The following SSUH2 variants were observed in gnomAD, a reference collection of about 807,000 sequenced individuals.
SSUH2 encodes ssu-2 homolog, also known as protein SSUH2 homolog.
Under a neutral mutation model 55.3 loss-of-function variants are expected in SSUH2, and 47 were observed. That is an observed-to-expected ratio of 0.85 (90% CI 0.67 to 1.08). The LOEUF (loss-of-function observed/expected upper bound fraction) is 1.08, where lower values mean the gene tolerates loss of function less well. SSUH2 is among the 50% of genes least tolerant of loss of function. The probability of loss-of-function intolerance (pLI) is 0.00; values close to 1 mark genes in which losing one functional copy is unlikely to be tolerated. For synonymous variants in SSUH2, 212 were observed against 191.5 expected (o/e 1.11, Z -0.89); for missense variants, 535 against 490.7 (o/e 1.09, Z -0.85).
chr3:8,671,538 A>G (rs1704562267), intron 4 of SSUH2, among the ~76,000 whole-genome samples: 1 of 152,120 alleles, frequency 6.6e-6, no homozygotes, highest in Non-Finnish European at 1.5e-5. Flanking sequence ...CCTTAGGAGA[A>G]TAAGACCACA....
chr3:8,642,782 A>G (rs1701071314), intron 1 of SSUH2, among the ~76,000 whole-genome samples: 1 of 152,238 alleles, frequency 6.6e-6, no homozygotes, highest in South Asian at 2.1e-4. Context: ...CCTCTCCCCT[A>G]AACAGGCACA....
intron 11 of SSUH2, 127 bp from the exon 12 acceptor site, chr3:8,620,141 T>C (rs959594759): frequency 1.6e-5 from 17 of 1,041,772 alleles, no homozygotes; most frequent in African/African-American, 3.2e-5. Context: ...GCATTCAATA[T>C]GGTTTGGCTC....
intron 7 of SSUH2, among the ~76,000 whole-genome samples, chr3:8,653,358 A>G (rs1702617866): frequency 6.6e-6 from 1 of 152,238 alleles, no homozygotes; most frequent in South Asian, 2.1e-4. Context: ...ACTAAAAACT[A>G]ATGGTCACCC....
chr3:8,670,768 C>T (rs996539576), intron 5 of SSUH2, among the ~76,000 whole-genome samples: 8 of 151,852 alleles, frequency 5.3e-5, no homozygotes, highest in African/African-American at 1.5e-4. Flanking sequence ...AGTAACATCC[C>T]GCCAGGATAT....
intron 7 of SSUH2, among the ~76,000 whole-genome samples, chr3:8,654,677 C>T (rs545208034): frequency 7.3e-4 from 111 of 152,308 alleles, no homozygotes; most frequent in African/African-American, 2.6e-3. Flanking sequence ...GTGTCCTCCC[C>T]AAGGTCTCAG....
Position 8,635,384 on chromosome 3 carries a change from G to A in SSUH2, c.128-3C>T, listed in dbSNP as rs551770127. The A allele has an allele frequency of 3.3e-5, 51 of 1,535,212 alleles. 1 individual carries two copies. The East Asian group carries it at 1.2e-3, about 37-fold the overall frequency. On this transcript the variant is annotated splice_region_variant and splice_polypyrimidine_tract_variant and intron_variant, in intron 2 of 11. Coordinates refer to ENST00000544814, the MANE Select transcript of SSUH2 (RefSeq NM_001256748.3). ...AGGTGGGAAGAATATCTGTCCTCCT[G>A]GAGAAGGGAAGAGTCAGGGGCTGGA...
Position 8,626,255 on chromosome 3 carries a change from C to A in SSUH2, c.741G>T (p.Leu247Phe). The A allele has an allele frequency of 1.2e-6, 2 of 1,614,138 alleles. No individual in the cohort carries two copies. The highest frequency in any genetic ancestry group is 1.7e-6 in the Non-Finnish European group (2 of 1,179,976). ...ACATGATGACAAGCTGGATGAAGTG[C>A]AACAGCTTCTTCTCCCCCTTGCAGG... ...CATCKGEKKL[L>F]HFIQLVIMWK... The change falls in exon 9 of 12, where the codon TTG becomes TTT. Residue 247 changes from leucine to phenylalanine, a missense_variant. By Grantham distance (22) the Leu-to-Phe change is conservative. Coordinates refer to ENST00000544814, the MANE Select transcript of SSUH2 (RefSeq NM_001256748.3).
At chr3:8,668,444 G>A (rs1382128945) in intron 5 of SSUH2, among the ~76,000 whole-genome samples, 2 of 152,174 alleles carry the variant, frequency 1.3e-5, no homozygotes, top group African/African-American at 4.8e-5. Flanking sequence ...AATGTTTACT[G>A]CAAATCTAAC....
intron 6 of SSUH2, among the ~76,000 whole-genome samples, chr3:8,660,248 G>C: frequency 6.6e-6 from 1 of 152,146 alleles, no homozygotes; most frequent in Admixed American, 6.5e-5. Flanking sequence ...GAGAGCGCTG[G>C]TTAGAGACCC....
At chr3:8,661,161 G>T (rs1023076376) in intron 6 of SSUH2, among the ~76,000 whole-genome samples, 1 of 152,156 alleles carries the variant, frequency 6.6e-6, no homozygotes, top group Admixed American at 6.5e-5. Context: ...TTTTACAATT[G>T]TAAGTAACCA....
In SSUH2 at chr3:8,679,129, G is replaced by A. The variant is rs1365237595; in HGVS notation, c.-901+576C>T. 3.8e-5 allele frequency among the ~76,000 whole-genome samples: 4 copies of A among 106,136 alleles called. 1 individual carries two copies. The highest frequency in any genetic ancestry group is 1.3e-4 in the African/African-American group (4 of 30,936). The allele number at this position is 106,136 out of a possible 152,430, so 69.6% of individuals were successfully genotyped here. A position where few individuals can be genotyped will look rare whatever the true frequency, so the allele number is the denominator to read the frequency against. Reference sequence around the variant, plus strand: ...CCTGGCTCTTAGGACCCAAATTGCGGGGGGGAGGCACCCCCGCGAGGCGGG... The same window carrying A: ...CCTGGCTCTTAGGACCCAAATTGCGAGGGGGAGGCACCCCCGCGAGGCGGG... On this transcript the variant is annotated intron_variant, in intron 2 of 18. Coordinates refer to the SSUH2 transcript ENST00000317371.
chr3:8,645,053 T>C (rs1701495622), upstream of SSUH2, among the ~76,000 whole-genome samples: 1 of 152,160 alleles, frequency 6.6e-6, no homozygotes, highest in Non-Finnish European at 1.5e-5. Context: ...ATCATGCCCA[T>C]TTTTCTGAGC....
chr3:8,672,421 GA>G (rs898012807), intron 3 of SSUH2, among the ~76,000 whole-genome samples: 11 of 151,908 alleles, frequency 7.2e-5, no homozygotes, highest in African/African-American at 2.7e-4. Context: ...TGGATAGTAG[GA>G]ACAATATTAC....
chr3:8,624,913 G>A (rs142527615), intron 10 of SSUH2, among the ~76,000 whole-genome samples: 7 of 152,070 alleles, frequency 4.6e-5, no homozygotes, highest in East Asian at 1.9e-4. Context: ...TCGCTCCCAC[G>A]CCACAAGGTC....
chr3:8,660,616 GCTT>G (rs1442355533), intron 6 of SSUH2, among the ~76,000 whole-genome samples: 1 of 152,154 alleles, frequency 6.6e-6, no homozygotes, highest in Non-Finnish European at 1.5e-5. Context: ...CCTTTCCCTG[GCTT>G]CTTAAGTACA....
In SSUH2 at chr3:8,632,083, G is replaced by C. The variant is rs774261256; in HGVS notation, c.366C>G (p.Ser122=). Residue 122 remains serine (S), a synonymous_variant, in exon 5 of 12, where the codon TCC becomes TCG. Transcript: ENST00000544814. ...CRYRLETFSE[S]RISEWTFQPF... is the part of the protein sequence containing the mutation. ...GTTGAAATGTCCACTCGCTTATCCT[G>C]GATTCACTAAAGGTCTCCAGACGGT... 1.2e-6 allele frequency: 2 copies of C among 1,613,914 alleles called. No individual in the cohort carries two copies. The highest frequency in any genetic ancestry group is 4.5e-5 in the East Asian group (2 of 44,872).
chr3:8,666,261 A>T (rs541728770), intron 5 of SSUH2, among the ~76,000 whole-genome samples: 2 of 152,338 alleles, frequency 1.3e-5, no homozygotes, highest in African/African-American at 4.8e-5. Flanking sequence ...CACTAATATA[A>T]TGTATTTTTA....
At chr3:8,654,369 T>A (rs918292236) in intron 7 of SSUH2, among the ~76,000 whole-genome samples, 1 of 152,218 alleles carries the variant, frequency 6.6e-6, no homozygotes, top group Non-Finnish European at 1.5e-5. Flanking sequence ...TCACTCAACA[T>A]CATGTTTGTA....
chr3:8,633,589 A>G (rs1196607294), intron 4 of SSUH2, 77 bp downstream of exon 4: 20 of 1,256,260 alleles, frequency 1.6e-5, no homozygotes, highest in Non-Finnish European at 2.0e-5. Context: ...ACATCACACA[A>G]ACAGGCCTCC....
Sources: gnomAD v4.1 joint callset for allele counts (sites outside exome capture counted in the v4.1 genomes callset) on GRCh38, gnomAD v4.1.1 for gene constraint, MANE v1.5 for transcripts, NCBI Gene and HGNC (gene_info 2026-07-23, HGNC 2026-07-21) for gene names.